DNAH8: variants seen among roughly 807,000 people sequenced by gnomAD.
The protein encoded by DNAH8 is axonemal beta dynein heavy chain 8.
Under a neutral mutation model 562.1 loss-of-function variants are expected in DNAH8, and 382 were observed. The observed-to-expected ratio is 0.68, with a 90% CI of 0.63 to 0.74. DNAH8 has a LOEUF of 0.74. Among genes scored for constraint, DNAH8 ranks in the 30% least tolerant of loss-of-function variants. The pLI, the probability that DNAH8 is intolerant of heterozygous loss-of-function variation, is 0.00. For synonymous variants in DNAH8, 1,881 were observed against 1,919.4 expected (o/e 0.98, Z 0.52); for missense variants, 5,203 against 5,620.4 (o/e 0.93, Z 2.37).
intron 85 of DNAH8, among the ~76,000 whole-genome samples, chr6:38,980,313 A>T (rs1424698620): frequency 3.3e-5 from 5 of 152,176 alleles, no homozygotes; most frequent in Non-Finnish European, 5.9e-5. Context: ...GAAACATCTT[A>T]AAAAACCCAC....
At chr6:38,987,341 G>A (rs1263413722) in intron 87 of DNAH8, among the ~76,000 whole-genome samples, 1 of 152,090 alleles carries the variant, frequency 6.6e-6, no homozygotes, top group Non-Finnish European at 1.5e-5. Context: ...CTGACATTTG[G>A]CATTTTGGGC....
Position 38,883,924 on chromosome 6 carries a change from C to A in DNAH8, c.8185C>A (p.Pro2729Thr). The change falls in exon 56 of 93, where the codon CCA (proline) becomes ACA (threonine). Residue 2729 changes from proline to threonine, a missense_variant. This residue lies in a region of DNAH8 where 977 missense variants were observed against 1,061.8 expected (regional missense o/e 0.92). Transcript: ENST00000327475. ...TAAGCGAATTGGAAGCACATATGGG[C>A]CACCAGGAGGGAGAAAAATGACTGT... ...VDKRIGSTYG[P>T]PGGRKMTVFI... 1 of 1,591,026 alleles carries A rather than the reference C, an allele frequency of 6.3e-7. No homozygotes were observed. The highest frequency in any genetic ancestry group is 1.1e-5 in the South Asian group (1 of 87,498).
intron 3 of DNAH8, among the ~76,000 whole-genome samples, chr6:38,723,711 G>A (rs1243900479): frequency 1.3e-5 from 2 of 151,816 alleles, no homozygotes; most frequent in Non-Finnish European, 2.9e-5. Flanking sequence ...TCCTGTCTCT[G>A]CAAAAAATAC....
intron 68 of DNAH8, 82 bp from the exon 69 acceptor site, chr6:38,917,156 TA>T: frequency 1.0e-6 from 1 of 993,048 alleles, no homozygotes; most frequent in African/African-American, 1.7e-5. Flanking sequence ...TTTTCTATCT[TA>T]ATTATTGAAA....
At chr6:38,854,836 A>G (rs763195321) in intron 41 of DNAH8, among the ~76,000 whole-genome samples, 19 of 150,630 alleles carry the variant, frequency 1.3e-4, no homozygotes, top group Non-Finnish European at 2.5e-4. Context: ...GTGTGTATAT[A>G]TATATGAACA....
At chr6:38,801,511 G>A (rs890077944) in intron 21 of DNAH8, among the ~76,000 whole-genome samples, 8 of 152,204 alleles carry the variant, frequency 5.3e-5, no homozygotes, top group African/African-American at 1.9e-4. Context: ...GGATTTCAAA[G>A]CTGGGATGTA....
chr6:38,738,047 C>T lies in DNAH8; in HGVS notation c.1116+75C>T, dbSNP rs1764242600. 6.1e-6 allele frequency: 9 copies of T among 1,465,528 alleles called. No homozygotes were observed. The East Asian group carries it at 1.5e-4, about 24-fold the overall frequency. The allele number at this position is 1,465,528 out of a possible 1,614,324, so 90.8% of individuals were successfully genotyped here. On this transcript the variant is annotated intron_variant, in intron 7 of 92. Coordinates refer to ENST00000327475, the MANE Select transcript of DNAH8 (RefSeq NM_001206927.2). The stretch of plus-strand genomic sequence containing the variant: ...CCTAGCCATTGTATTTTGTCTCTAA[C>T]AGCAAAGGGAAGAGGTGTCTCCTTT...
chr6:38,903,246 T>A (rs1189602845), intron 62 of DNAH8, among the ~76,000 whole-genome samples: 1 of 152,184 alleles, frequency 6.6e-6, no homozygotes, highest in Non-Finnish European at 1.5e-5. Flanking sequence ...TTCTGCAGGC[T>A]GTACAGGAAG....
At chr6:38,920,517 A>G (rs1040202286) in intron 70 of DNAH8, among the ~76,000 whole-genome samples, 1 of 152,236 alleles carries the variant, frequency 6.6e-6, no homozygotes, top group African/African-American at 2.4e-5. Context: ...CTACTGTTAC[A>G]GTAATTTCAC....
At chr6:38,844,695 C>G (rs6933930) in intron 35 of DNAH8, among the ~76,000 whole-genome samples, 24,464 of 152,158 alleles carry the variant, frequency 0.16, 2,275 homozygotes, top group Non-Finnish European at 0.21. Context: ...CCAGATACAT[C>G]TAGTTGCTCA....
chr6:38,975,102 A>G (rs1763588499), intron 85 of DNAH8, among the ~76,000 whole-genome samples: 1 of 152,198 alleles, frequency 6.6e-6, no homozygotes, highest in Admixed American at 6.5e-5. Flanking sequence ...GAGGAGGAGG[A>G]GGAACAGCAG....
chr6:38,984,050 A>C (rs964612587), intron 86 of DNAH8, among the ~76,000 whole-genome samples, 156 bp from the exon 87 acceptor site: 2 of 152,190 alleles, frequency 1.3e-5, no homozygotes, highest in Non-Finnish European at 2.9e-5. Context: ...GCCATGTAAT[A>C]GTGAAAGAGT....
At chr6:38,766,293 C>T (rs759851399) in intron 11 of DNAH8, among the ~76,000 whole-genome samples, 2 of 152,032 alleles carry the variant, frequency 1.3e-5, no homozygotes, top group African/African-American at 4.8e-5. Flanking sequence ...ACAAATACTG[C>T]CTTTTTTCAC....
chr6:38,836,352 C>T (rs977983877), intron 32 of DNAH8, among the ~76,000 whole-genome samples: 2 of 151,702 alleles, frequency 1.3e-5, no homozygotes, highest in South Asian at 2.1e-4. Context: ...GAGGCTGAGG[C>T]AGGAGAATTG....
At chr6:38,780,915 A>T (rs1358241938) in intron 15 of DNAH8, among the ~76,000 whole-genome samples, 1 of 152,154 alleles carries the variant, frequency 6.6e-6, no homozygotes, top group East Asian at 1.9e-4. Flanking sequence ...TTAAGTTAGT[A>T]TTTTTGCCTA....
chr6:38,914,392 CTTTTTTTTTTTTTT>C lies in DNAH8; in HGVS notation c.9963+453_9963+466del, dbSNP rs66765653. 2.5e-4 allele frequency among the ~76,000 whole-genome samples: 16 copies of C among 63,990 alleles called. 1 individual carries two copies. Among genetic ancestry groups the C allele is most frequent in the Admixed American group, 1.2e-3 (5 of 4,304 alleles). The allele number at this position is 63,990 out of a possible 152,430, so 42.0% of individuals were successfully genotyped here. ...GGTATATATGTGTGCTGCTTTTTCT[CTTTTTTTTTTTTTT>C]TTTTTTTTTTTTGAGACAGAGTCTT... On this transcript the variant is annotated intron_variant, in intron 67 of 92. Coordinates refer to ENST00000327475, the MANE Select transcript of DNAH8 (RefSeq NM_001206927.2).
chr6:38,865,419 G>C (rs138644327), intron 45 of DNAH8, among the ~76,000 whole-genome samples: 61 of 152,302 alleles, frequency 4.0e-4, no homozygotes, highest in African/African-American at 1.3e-3. Context: ...CCTGGATTAA[G>C]AATAATATTG....
intron 5 of DNAH8, 51 bp downstream of exon 5, chr6:38,734,676 T>G: frequency 6.3e-7 from 1 of 1,587,154 alleles, no homozygotes; most frequent in Non-Finnish European, 8.6e-7. Context: ...AATATATTTT[T>G]GTAGTCACAC....
chr6:38,951,926 G>C (rs1423868595), intron 82 of DNAH8, among the ~76,000 whole-genome samples: 1 of 152,268 alleles, frequency 6.6e-6, no homozygotes, highest in Middle Eastern at 3.4e-3. Context: ...ATAGTAGTTA[G>C]GGATTAATTA....
Sources: gnomAD v4.1 joint callset for allele counts (sites outside exome capture counted in the v4.1 genomes callset) on GRCh38, gnomAD v4.1.1 for gene constraint, gnomAD v4.1.1 regional missense constraint, MANE v1.5 for transcripts, NCBI Gene and HGNC (gene_info 2026-07-23, HGNC 2026-07-21) for gene names.